Variants in ADIPOR2 observed in about 807,000 individuals in gnomAD.
ADIPOR2 encodes adiponectin receptor 2, also known as adiponectin receptor protein 2.
In ADIPOR2, 18 loss-of-function variants were observed where a neutral mutation model predicts 40.9. The ratio of observed to expected loss-of-function variants is 0.44; its 90% CI spans 0.30 to 0.65. ADIPOR2 has a LOEUF of 0.65. Among genes scored for constraint, ADIPOR2 ranks in the 30% least tolerant of loss-of-function variants. The pLI is 0.09. For synonymous variants in ADIPOR2, 165 were observed against 166.4 expected, an observed-to-expected ratio of 0.99 and a Z score of 0.06; for missense variants, 283 against 479.2, an observed-to-expected ratio of 0.59 and a Z score of 3.82.
chr12:1,754,627 TAAG>T, intron 2 of ADIPOR2, 113 bp downstream of exon 2: 1 of 1,065,378 alleles, frequency 9.4e-7, no homozygotes, highest in Non-Finnish European at 1.3e-6. Context: ...GATGGGGTGG[TAAG>T]AAGGAAACTT....
intron 1 of ADIPOR2, among the ~76,000 whole-genome samples, chr12:1,693,460 T>A (rs891010437): frequency 6.6e-6 from 1 of 152,142 alleles, no homozygotes; most frequent in Admixed American, 6.5e-5. Flanking sequence ...TTATAGAATT[T>A]GTTGGTGATT....
intron 1 of ADIPOR2, among the ~76,000 whole-genome samples, chr12:1,744,627 A>C (rs2094751035): frequency 1.3e-5 from 2 of 152,210 alleles, no homozygotes; most frequent in African/African-American, 4.8e-5. Context: ...GTGAGCCACC[A>C]CATCTGACCT....
Position 1,786,142 on chromosome 12 carries a change from T to C in ADIPOR2, c.*70T>C. 5.1e-6 allele frequency: 8 copies of C among 1,560,816 alleles called. No individual in the cohort carries two copies. Among genetic ancestry groups the C allele is most frequent in the Non-Finnish European group, 6.9e-6 (8 of 1,154,896 alleles). On this transcript the variant is annotated 3_prime_UTR_variant, in exon 8 of 8. Coordinates refer to ENST00000357103, the MANE Select transcript of ADIPOR2 (RefSeq NM_024551.3). The stretch of plus-strand genomic sequence containing the variant: ...GGCACTTGCGGGCCTCCCTGCTGGC[T>C]ACTGATGCCAGTACCAGAGGAGCCC...
At position 1,776,990 on chromosome 12, in the gene ADIPOR2, CTAGT is replaced by C. The variant is rs1415804079; in HGVS notation, c.292-861_292-858del. Among the ~76,000 whole-genome samples, 7 of 152,264 alleles carry C rather than the reference CTAGT, an allele frequency of 4.6e-5. No individual in the cohort carries two copies. In the East Asian group the frequency reaches 1.3e-3, roughly 29 times the overall value. On this transcript the variant is annotated intron_variant, in intron 3 of 7. Coordinates refer to ENST00000357103, the MANE Select transcript of ADIPOR2 (RefSeq NM_024551.3). ...TTTTAATTAATTAAATCTCATATAG[CTAGT>C]TAATGCCAGGGGTCCACAATTTTCT...
chr12:1,704,240 G>A (rs2094657373), intron 1 of ADIPOR2, among the ~76,000 whole-genome samples: 1 of 151,816 alleles, frequency 6.6e-6, no homozygotes, highest in Non-Finnish European at 1.5e-5. Flanking sequence ...CCTTCACCAG[G>A]CTGCTTCATA....
chr12:1,752,187 C>G (rs543573823), intron 1 of ADIPOR2, among the ~76,000 whole-genome samples: 2 of 148,046 alleles, frequency 1.4e-5, no homozygotes, highest in East Asian at 2.0e-4. Context: ...TCTCGGCCCC[C>G]CAAAGTGCTG....
chr12:1,728,958 G>GTTTTTTTTTTTTTTTTTTTTTTTTTTTT (rs66842156), intron 1 of ADIPOR2, among the ~76,000 whole-genome samples: 2 of 110,056 alleles, frequency 1.8e-5, no homozygotes, highest in Non-Finnish European at 3.6e-5. Flanking sequence ...GTTCTGGACT[G>GTTTTTTTTTTTTTTTTTTTTTTTTTTTT]TTTTTTTTTT....
rs188203731 is a variant in ADIPOR2 at position 1,714,765 on chromosome 12, A to C, written c.-87+23574A>C. 1.2e-4 allele frequency among the ~76,000 whole-genome samples: 19 copies of C among 152,194 alleles called. No individual in the cohort carries two copies. In the East Asian group the frequency reaches 3.3e-3, roughly 26 times the overall value. ...GTGACTGAGATGCCAGGTATCTCCA[A>C]ACTCTTGGGCTGCAACTAAAGCTGC... On this transcript the variant is annotated intron_variant, in intron 1 of 7. Coordinates refer to ENST00000357103, the MANE Select transcript of ADIPOR2 (RefSeq NM_024551.3).
intron 1 of ADIPOR2, among the ~76,000 whole-genome samples, chr12:1,726,209 T>C (rs536036791): frequency 6.6e-6 from 1 of 152,276 alleles, no homozygotes; most frequent in African/African-American, 2.4e-5. Context: ...GGATTTTTTT[T>C]TTCTTGAGAC....
chr12:1,732,205 G>T (rs192492462), intron 1 of ADIPOR2, among the ~76,000 whole-genome samples: 1 of 152,198 alleles, frequency 6.6e-6, no homozygotes, highest in Non-Finnish European at 1.5e-5. Flanking sequence ...TTGCATTAGG[G>T]TTCACTCTGT....
intron 1 of ADIPOR2, among the ~76,000 whole-genome samples, chr12:1,715,869 A>G (rs1592582637): frequency 6.6e-6 from 1 of 152,236 alleles, no homozygotes; most frequent in South Asian, 2.1e-4. Context: ...TGTAAAATGG[A>G]CCAATCAGTG....
intron 2 of ADIPOR2, 143 bp from the exon 3 acceptor site, chr12:1,772,699 A>T: frequency 9.9e-7 from 1 of 1,007,232 alleles, no homozygotes; most frequent in Non-Finnish European, 1.4e-6. Context: ...TCTATAATAA[A>T]CTGACTTACT....
chr12:1,776,895 A>G (rs1862606551), intron 3 of ADIPOR2, among the ~76,000 whole-genome samples: 1 of 152,212 alleles, frequency 6.6e-6, no homozygotes, highest in South Asian at 2.1e-4. Flanking sequence ...ATTTTGTTTG[A>G]TCTTCATGAT....
chr12:1,757,556 C>T, intron 2 of ADIPOR2: 1 of 900,724 alleles, frequency 1.1e-6, no homozygotes, highest in Non-Finnish European at 1.9e-6. Context: ...TGGTATCATT[C>T]ACCTTGATGA....
intron 1 of ADIPOR2, among the ~76,000 whole-genome samples, chr12:1,694,035 C>T (rs140333073): frequency 3.3e-4 from 51 of 152,270 alleles, no homozygotes; most frequent in African/African-American, 1.2e-3. Context: ...TTATTGAGCA[C>T]TTACTATGTA....
intron 1 of ADIPOR2, among the ~76,000 whole-genome samples, chr12:1,744,349 C>T (rs372365522): frequency 1.3e-5 from 2 of 152,268 alleles, no homozygotes; most frequent in East Asian, 3.9e-4. Context: ...TGTGATCTGC[C>T]CGTCTCGGCC....
intron 1 of ADIPOR2, among the ~76,000 whole-genome samples, chr12:1,694,172 T>C (rs2094633204): frequency 1.3e-5 from 2 of 152,218 alleles, no homozygotes; most frequent in African/African-American, 2.4e-5. Context: ...TAAGTAACTG[T>C]TGGAAGTTTA....
chr12:1,739,618 T>C (rs1052983472), intron 1 of ADIPOR2, among the ~76,000 whole-genome samples: 1 of 152,272 alleles, frequency 6.6e-6, no homozygotes, highest in Non-Finnish European at 1.5e-5. Context: ...TGACTACTTT[T>C]GTGCTGCACT....
chr12:1,784,184 C>G, intron 7 of ADIPOR2, 111 bp downstream of exon 7: 2 of 1,234,624 alleles, frequency 1.6e-6, no homozygotes, highest in South Asian at 1.8e-5. Flanking sequence ...AGAGTTGTAT[C>G]CTGGTCCTAA....
Sources: gnomAD v4.1 joint callset for allele counts (sites outside exome capture counted in the v4.1 genomes callset) on GRCh38, gnomAD v4.1.1 for gene constraint, MANE v1.5 for transcripts, NCBI Gene and HGNC (gene_info 2026-07-23, HGNC 2026-07-21) for gene names.